Variants in RALGAPA2 observed in about 807,000 individuals in gnomAD.
The protein encoded by RALGAPA2 is ral GTPase-activating protein subunit alpha-2.
A neutral mutation model predicts 230.4 loss-of-function variants in RALGAPA2; 139 were observed. The ratio of observed to expected loss-of-function variants is 0.60; its 90% CI spans 0.53 to 0.69. The LOEUF is 0.69. Ranked by LOEUF, RALGAPA2 falls within the 30% of genes least tolerant of loss-of-function variation. The pLI, the probability that RALGAPA2 is intolerant of heterozygous loss-of-function variation, is 0.00. For synonymous variants in RALGAPA2, 847 were observed against 837.8 expected (o/e 1.01, Z -0.19); for missense variants, 2,163 against 2,276.0 (o/e 0.95, Z 1.01).
At chr20:20,705,129 G>T (rs970894832) in intron 1 of RALGAPA2, among the ~76,000 whole-genome samples, 2 of 152,200 alleles carry the variant, frequency 1.3e-5, no homozygotes, top group Non-Finnish European at 2.9e-5. Context: ...TCCTGGGCTT[G>T]TGCCTTATTA....
At chr20:20,693,015 C>G (rs1308027117) in intron 1 of RALGAPA2, among the ~76,000 whole-genome samples, 1 of 152,202 alleles carries the variant, frequency 6.6e-6, no homozygotes, top group African/African-American at 2.4e-5. Context: ...CTAGTGTCAA[C>G]TGAAATGATC....
intron 32 of RALGAPA2, 34 bp from the exon 33 acceptor site, chr20:20,511,359 T>G (rs918553035): frequency 2.0e-6 from 3 of 1,532,688 alleles, no homozygotes; most frequent in African/African-American, 2.8e-5. Context: ...AAAAACCATG[T>G]GATTACAGAA....
intron 1 of RALGAPA2, among the ~76,000 whole-genome samples, chr20:20,681,009 C>CA (rs2068500375): frequency 6.6e-6 from 1 of 152,222 alleles, no homozygotes; most frequent in African/African-American, 2.4e-5. Flanking sequence ...CAGCCCTGCT[C>CA]AGGAGACCGT....
chr20:20,405,223 C>T (rs1602272747), intron 38 of RALGAPA2, among the ~76,000 whole-genome samples: 2 of 152,230 alleles, frequency 1.3e-5, no homozygotes. Context: ...GCCTAAACCA[C>T]TGGCTGGCTA....
intron 19 of RALGAPA2, 110 bp from the exon 20 acceptor site, chr20:20,583,336 A>C: frequency 8.3e-7 from 1 of 1,203,716 alleles, no homozygotes; most frequent in Non-Finnish European, 1.1e-6. Context: ...AGTAGGAATC[A>C]TTCATGTTCT....
At chr20:20,670,916 C>T (rs531514996) in intron 3 of RALGAPA2, among the ~76,000 whole-genome samples, 8 of 148,724 alleles carry the variant, frequency 5.4e-5, no homozygotes, top group Admixed American at 1.3e-4. Context: ...AGCCACTGCA[C>T]TCCAGCCTGG....
intron 37 of RALGAPA2, among the ~76,000 whole-genome samples, chr20:20,439,710 G>A (rs1302792812): frequency 6.6e-6 from 1 of 152,168 alleles, no homozygotes; most frequent in Non-Finnish European, 1.5e-5. Context: ...CAGCTTCAGA[G>A]CAATACAAAA....
In RALGAPA2 at chr20:20,712,016, G is replaced by A. The variant is rs1181632283; in HGVS notation, c.106+359C>T. On this transcript the variant is annotated intron_variant, in intron 1 of 39. Coordinates refer to ENST00000202677, the MANE Select transcript of RALGAPA2 (RefSeq NM_020343.4). The surrounding 1 kb of genome is among the most constrained non-coding windows in gnomAD (Gnocchi z 5.5). ...AAAAATAAAATTTTAAAAATGAAAG[G>A]GGGAGGTGACAGTTCAATGTGTGCA... 6.6e-6 allele frequency among the ~76,000 whole-genome samples: 1 copy of A among 152,090 alleles called. No individual in the cohort carries two copies. The highest frequency in any genetic ancestry group is 2.4e-5 in the African/African-American group (1 of 41,430).
intron 31 of RALGAPA2, among the ~76,000 whole-genome samples, chr20:20,519,255 C>T (rs1446234585): frequency 6.6e-6 from 1 of 152,238 alleles, no homozygotes. Flanking sequence ...CAAAATGCAG[C>T]TAAAATCAGG....
intron 16 of RALGAPA2, among the ~76,000 whole-genome samples, chr20:20,592,129 T>C (rs1048281673): frequency 6.6e-6 from 1 of 152,198 alleles, no homozygotes; most frequent in African/African-American, 2.4e-5. Context: ...TTTAATAGCC[T>C]GCAAACTAAT....
intron 1 of RALGAPA2, among the ~76,000 whole-genome samples, chr20:20,686,548 A>T (rs1362488500): frequency 6.6e-6 from 1 of 151,970 alleles, no homozygotes; most frequent in African/African-American, 2.4e-5. Context: ...AAAAAAAAAA[A>T]ATAGGGCTAA....
intron 1 of RALGAPA2, among the ~76,000 whole-genome samples, chr20:20,706,173 G>A (rs1377341782): frequency 6.6e-6 from 1 of 152,188 alleles, no homozygotes; most frequent in Non-Finnish European, 1.5e-5. Flanking sequence ...AAAGATGGAA[G>A]CCAACCTTTT....
chr20:20,522,109 CA>C (rs1198453667), intron 30 of RALGAPA2, among the ~76,000 whole-genome samples: 1 of 150,376 alleles, frequency 6.6e-6, no homozygotes, highest in Non-Finnish European at 1.5e-5. Flanking sequence ...GTAGGAAATG[CA>C]CATTAAAACC....
intron 1 of RALGAPA2, among the ~76,000 whole-genome samples, chr20:20,700,235 T>C (rs2069295400): frequency 6.6e-6 from 1 of 152,102 alleles, no homozygotes; most frequent in African/African-American, 2.4e-5. Flanking sequence ...ATGTTCTCAC[T>C]TGTAATTGAG....
At chr20:20,473,446 T>C (rs185131010) in intron 36 of RALGAPA2, among the ~76,000 whole-genome samples, 1 of 152,266 alleles carries the variant, frequency 6.6e-6, no homozygotes, top group East Asian at 1.9e-4. Context: ...TCTCGACCTT[T>C]TCCCCCTCTG....
rs545364104 is a variant in RALGAPA2 at position 20,637,797 on chromosome 20, GT to G, written c.667-297del. Reference sequence around the variant, plus strand: ...TATCATGCCCATATTTTTTCTCTACGTTTTTTGTAATTATCTAACATTCCTT... The same window carrying G: ...TATCATGCCCATATTTTTTCTCTACGTTTTTGTAATTATCTAACATTCCTT... On this transcript the variant is annotated intron_variant, in intron 7 of 39. Transcript: ENST00000202677. Among the ~76,000 whole-genome samples, 186 of 152,026 alleles carry G rather than the reference GT, an allele frequency of 1.2e-3. 1 individual carries two copies. The highest frequency in any genetic ancestry group is 4.1e-3 in the African/African-American group (172 of 41,472).
intron 10 of RALGAPA2, among the ~76,000 whole-genome samples, chr20:20,624,087 A>C (rs1176962776): frequency 1.3e-5 from 2 of 152,122 alleles, no homozygotes; most frequent in Non-Finnish European, 2.9e-5. Context: ...AGCAATTTGG[A>C]ACACCAAGGC....
chr20:20,511,070 T>C (rs1381148294), intron 33 of RALGAPA2, among the ~76,000 whole-genome samples, 184 bp downstream of exon 33: 2 of 152,170 alleles, frequency 1.3e-5, no homozygotes, highest in African/African-American at 4.8e-5. Flanking sequence ...GTATCAAACA[T>C]GAAAGTTTAT....
chr20:20,518,127 C>T (rs984207726), intron 31 of RALGAPA2, among the ~76,000 whole-genome samples: 1 of 152,002 alleles, frequency 6.6e-6, no homozygotes, highest in African/African-American at 2.4e-5. Context: ...GCGATCGTGG[C>T]TCATTGCAAC....
Sources: gnomAD v4.1 joint callset for allele counts (sites outside exome capture counted in the v4.1 genomes callset) on GRCh38, gnomAD v4.1.1 for gene constraint, Gnocchi (gnomAD v3.1) non-coding constraint, MANE v1.5 for transcripts, NCBI Gene and HGNC (gene_info 2026-07-23, HGNC 2026-07-21) for gene names.